Variants in CCSER1 observed in about 807,000 individuals in gnomAD.
CCSER1 encodes coiled-coil serine rich protein 1.
In CCSER1, 41 loss-of-function variants were observed where a neutral mutation model predicts 82.0. The ratio of observed to expected loss-of-function variants is 0.50; its 90% CI spans 0.39 to 0.65. The LOEUF is 0.65. Among genes scored for constraint, CCSER1 ranks in the 30% least tolerant of loss-of-function variants. The probability of loss-of-function intolerance (pLI) is 0.00; values close to 1 mark genes in which losing one functional copy is unlikely to be tolerated. For missense variants in CCSER1, 1,119 were observed against 1,064.2 expected, an observed-to-expected ratio of 1.05 and a Z score of -0.72; for synonymous variants, 414 against 383.9, an observed-to-expected ratio of 1.08 and a Z score of -0.92.
intron 10 of CCSER1, among the ~76,000 whole-genome samples, chr4:91,551,823 C>G (rs889117308): frequency 9.2e-5 from 14 of 151,446 alleles, no homozygotes; most frequent in Non-Finnish European, 2.1e-4. Context: ...CACTTTTTTG[C>G]ATGTTTTATT....
chr4:90,654,068 A>AG (rs1267059556), intron 6 of CCSER1, among the ~76,000 whole-genome samples: 1 of 152,080 alleles, frequency 6.6e-6, no homozygotes, highest in Non-Finnish European at 1.5e-5. Context: ...AGGAACAGCA[A>AG]GGGGGAAATT....
chr4:90,546,447 G>T (rs1055540128), intron 5 of CCSER1, among the ~76,000 whole-genome samples: 2 of 152,112 alleles, frequency 1.3e-5, no homozygotes, highest in African/African-American at 4.8e-5. Context: ...ATATCCCAGG[G>T]ATCAGAGATA....
intron 10 of CCSER1, among the ~76,000 whole-genome samples, chr4:91,419,972 A>C (rs1011025781): frequency 6.6e-6 from 1 of 152,064 alleles, no homozygotes; most frequent in Non-Finnish European, 1.5e-5. Context: ...TTCAATAACT[A>C]ATCTTGGGAA....
At chr4:90,586,744 T>C (rs1782066246) in intron 5 of CCSER1, among the ~76,000 whole-genome samples, 1 of 152,214 alleles carries the variant, frequency 6.6e-6, no homozygotes, top group Admixed American at 6.5e-5. Flanking sequence ...ATTGCATTAT[T>C]ATAAGTGCAA....
At position 90,155,565 on chromosome 4, in the gene CCSER1, T is replaced by C. The variant is rs939506662; in HGVS notation, c.-42+27734T>C. ...ATTGCCACAATTTCAGATCCTGTTA[T>C]TGGTCTATTCAGAGATTCAACTTCT... On this transcript the variant is annotated intron_variant, in intron 1 of 10. Coordinates refer to ENST00000509176, the MANE Select transcript of CCSER1 (RefSeq NM_001145065.2). Among the ~76,000 whole-genome samples, 43 of 152,316 alleles carry C rather than the reference T, an allele frequency of 2.8e-4. 1 individual carries two copies. The highest frequency in any genetic ancestry group is 9.9e-4 in the African/African-American group (41 of 41,578).
intron 5 of CCSER1, among the ~76,000 whole-genome samples, chr4:90,585,377 A>G (rs1781886002): frequency 6.6e-6 from 1 of 152,206 alleles, no homozygotes; most frequent in African/African-American, 2.4e-5. Flanking sequence ...TTCATTCCAC[A>G]TGATAGTTAA....
chr4:90,246,374 A>T (rs1721402458), intron 1 of CCSER1, among the ~76,000 whole-genome samples: 1 of 152,150 alleles, frequency 6.6e-6, no homozygotes, highest in Non-Finnish European at 1.5e-5. Context: ...TATCATTTTT[A>T]GTGCCTTGCT....
At chr4:91,001,650 CGTGTTAG>C (rs1008260123) in intron 9 of CCSER1, among the ~76,000 whole-genome samples, 2 of 152,056 alleles carry the variant, frequency 1.3e-5, no homozygotes, top group Non-Finnish European at 2.9e-5. Context: ...TGAGTCCCTA[CGTGTTAG>C]GTGAGTCTCT....
intron 9 of CCSER1, among the ~76,000 whole-genome samples, chr4:91,019,371 C>A (rs113245780): frequency 2.0e-5 from 3 of 151,878 alleles, no homozygotes; most frequent in African/African-American, 7.3e-5. Flanking sequence ...GCTAATTTTT[C>A]ATTACAGAAG....
intron 4 of CCSER1, among the ~76,000 whole-genome samples, chr4:90,416,836 AT>A (rs1317930018): frequency 6.6e-6 from 1 of 152,194 alleles, no homozygotes; most frequent in Non-Finnish European, 1.5e-5. Context: ...TAGGTGGTAT[AT>A]TTCTTTGTGT....
At chr4:90,241,424 T>C (rs1746811303) in intron 1 of CCSER1, among the ~76,000 whole-genome samples, 1 of 152,202 alleles carries the variant, frequency 6.6e-6, no homozygotes, top group Admixed American at 6.5e-5. Flanking sequence ...TGGTGGTTTA[T>C]TATGAACGAC....
At chr4:91,134,974 C>T (rs976975281) in intron 10 of CCSER1, among the ~76,000 whole-genome samples, 7 of 151,748 alleles carry the variant, frequency 4.6e-5, no homozygotes, top group South Asian at 2.1e-4. Context: ...GCAGGAGAAT[C>T]GCGTGAACCC....
intron 10 of CCSER1, among the ~76,000 whole-genome samples, chr4:91,300,859 TG>T (rs1259199218): frequency 5.3e-5 from 8 of 151,932 alleles, no homozygotes; most frequent in African/African-American, 1.7e-4. Flanking sequence ...ATTCAAACTG[TG>T]TTCCAACCAG....
At position 91,072,805 on chromosome 4, in the gene CCSER1, G is replaced by A. The variant is rs566115052; in HGVS notation, c.2173-13145G>A. Among the ~76,000 whole-genome samples the A allele has an allele frequency of 4.6e-5, 7 of 152,054 alleles. No homozygotes were observed. The East Asian group carries it at 1.2e-3, about 25-fold the overall frequency. Reference sequence around the variant, plus strand: ...TTAGTAATGGTAACATATTGTAATTGTGAGGTATAAAAAAAGTATATAAAA... The same window carrying A: ...TTAGTAATGGTAACATATTGTAATTATGAGGTATAAAAAAAGTATATAAAA... On this transcript the variant is annotated intron_variant, in intron 9 of 10. Coordinates refer to ENST00000509176, the MANE Select transcript of CCSER1 (RefSeq NM_001145065.2).
chr4:91,297,316 A>G (rs1281549146), intron 10 of CCSER1, among the ~76,000 whole-genome samples: 2 of 151,704 alleles, frequency 1.3e-5, no homozygotes, highest in East Asian at 3.9e-4. Flanking sequence ...TCCCCAAAGA[A>G]AAAAGTAAAA....
intron 10 of CCSER1, chr4:91,325,297 C>T (rs1324225491): frequency 2.6e-6 from 1 of 380,344 alleles, no homozygotes; most frequent in Admixed American, 3.6e-5. Flanking sequence ...AGGCTTTTTT[C>T]CCAAAGAAGC....
intron 10 of CCSER1, among the ~76,000 whole-genome samples, chr4:91,534,123 T>C (rs1761176836): frequency 1.3e-5 from 2 of 152,082 alleles, no homozygotes; most frequent in African/African-American, 4.8e-5. Flanking sequence ...CCACAATCTA[T>C]ACTCCGTCAC....
intron 7 of CCSER1, among the ~76,000 whole-genome samples, chr4:90,736,925 A>C (rs1745750548): frequency 6.6e-6 from 1 of 151,980 alleles, no homozygotes; most frequent in African/African-American, 2.4e-5. Context: ...ATTTTTTTAA[A>C]AAATAGGTTT....
chr4:90,417,734 T>C (rs975523477), intron 4 of CCSER1, among the ~76,000 whole-genome samples: 9 of 152,172 alleles, frequency 5.9e-5, no homozygotes, highest in African/African-American at 2.2e-4. Context: ...AATTCTGCAG[T>C]GAGTTAGGAA....
Sources: gnomAD v4.1 joint callset for allele counts (sites outside exome capture counted in the v4.1 genomes callset) on GRCh38, gnomAD v4.1.1 for gene constraint, MANE v1.5 for transcripts, NCBI Gene and HGNC (gene_info 2026-07-23, HGNC 2026-07-21) for gene names.